Variants in ERMN observed in about 807,000 individuals in gnomAD.
The protein encoded by ERMN is ermin, ERM-like protein.
In ERMN, 17 loss-of-function variants were observed where a neutral mutation model predicts 21.4. The observed-to-expected ratio is 0.80, with a 90% confidence interval of 0.54 to 1.19. The LOEUF (loss-of-function observed/expected upper bound fraction) is 1.19. Ranked by LOEUF, ERMN falls within the 50% of genes most tolerant of loss-of-function variation. The pLI is 0.00. For synonymous variants in ERMN, 115 were observed against 111.9 expected (o/e 1.03, Z -0.17); for missense variants, 348 against 331.6 (o/e 1.05, Z -0.38).
In ERMN at chr2:157,319,329, T is replaced by A. The variant is rs1382686345; in HGVS notation, c.*1942A>T. On this transcript the variant is annotated 3_prime_UTR_variant, in exon 3 of 3. Coordinates refer to ENST00000410096, the MANE Select transcript of ERMN (RefSeq NM_020711.3). Reference sequence around the variant, plus strand: ...AGCTAAGAGGACCAGCGTTAGCATATATTAGAGTCCCTTAAGAGGTACTTG... The same window carrying A: ...AGCTAAGAGGACCAGCGTTAGCATAAATTAGAGTCCCTTAAGAGGTACTTG... 1 of 152,134 alleles carries A rather than the reference T, an allele frequency of 6.6e-6. No homozygotes were observed. Among genetic ancestry groups the A allele is most frequent in the Non-Finnish European group, 1.5e-5 (1 of 68,004 alleles). 9.4% of individuals were successfully genotyped at this position (152,134 alleles called of 1,614,324 possible). A position where few individuals can be genotyped will look rare whatever the true frequency, so the allele number is the denominator to read the frequency against.
upstream of ERMN, chr2:157,327,708 GT>G (rs2105193238): frequency 1.9e-6 from 1 of 520,198 alleles, no homozygotes; most frequent in Admixed American, 3.4e-5. Flanking sequence ...AGTAGAGACA[GT>G]TGTGGCCAGG....
chr2:157,326,084 G>A (rs556538167), upstream of ERMN: 31 of 313,114 alleles, frequency 9.9e-5, no homozygotes, highest in South Asian at 2.7e-3. Flanking sequence ...TGTAACAGGA[G>A]CCACAATTGT....
At chr2:157,327,601 T>G, upstream of ERMN, 1 of 683,834 alleles carries the variant, frequency 1.5e-6, no homozygotes, top group Non-Finnish European at 2.7e-6. Context: ...CTGATGAGAG[T>G]TTGCAGCACA....
chr2:157,325,160 G>T (rs954828122), intron 1 of ERMN: 3 of 621,068 alleles, frequency 4.8e-6, no homozygotes, highest in Non-Finnish European at 9.2e-6. Flanking sequence ...TTATTATTCC[G>T]CCTTCTTCTA....
chr2:157,320,245 C>A lies in ERMN; in HGVS notation c.*1026G>T, dbSNP rs1683850000. 1 of 152,554 alleles carries A rather than the reference C, an allele frequency of 6.6e-6. No homozygotes were observed. The highest frequency in any genetic ancestry group is 2.4e-5 in the African/African-American group (1 of 41,440). 9.5% of individuals were successfully genotyped at this position (152,554 alleles called of 1,614,324 possible). On this transcript the variant is annotated 3_prime_UTR_variant, in exon 3 of 3. Coordinates refer to ENST00000410096, the MANE Select transcript of ERMN (RefSeq NM_020711.3). ...GGTCCAGTAAATTATATATTCCCAACAACTATCAGAGCTCTCCCACTAAAA... is the reference window on the plus strand; with the variant it reads ...GGTCCAGTAAATTATATATTCCCAAAAACTATCAGAGCTCTCCCACTAAAA...
chr2:157,326,670 A>G (rs1389082352), upstream of ERMN, among the ~76,000 whole-genome samples: 3 of 152,076 alleles, frequency 2.0e-5, no homozygotes, highest in East Asian at 3.9e-4. Context: ...TGGATTTCTC[A>G]TAGTACAAAA....
chr2:157,322,146 T>TA (rs199583011), intron 2 of ERMN, among the ~76,000 whole-genome samples: 23 of 148,198 alleles, frequency 1.6e-4, no homozygotes, highest in East Asian at 7.8e-4. Context: ...GAGACACACT[T>TA]AAAAAAAAAA....
At chr2:157,325,078 G>T (rs976980227) in intron 1 of ERMN, 2 of 460,398 alleles carry the variant, frequency 4.3e-6, no homozygotes, top group South Asian at 2.0e-5. Flanking sequence ...AAATAATATG[G>T]GGCTGTCCAT....
upstream of ERMN, chr2:157,326,056 G>T (rs1684061710): frequency 1.9e-6 from 1 of 514,512 alleles, no homozygotes; most frequent in Non-Finnish European, 2.6e-6. Context: ...TTTCATAATG[G>T]CCCATTGTAA....
chr2:157,321,068 A>T lies in ERMN; in HGVS notation c.*203T>A. The T allele has an allele frequency of 1.4e-6, 1 of 733,430 alleles. No individual in the cohort carries two copies. Among genetic ancestry groups the T allele is most frequent in the Non-Finnish European group, 2.1e-6 (1 of 477,410 alleles). 45.4% of individuals were successfully genotyped at this position (733,430 alleles called of 1,614,324 possible). On this transcript the variant is annotated 3_prime_UTR_variant, in exon 3 of 3. Coordinates refer to ENST00000410096, the MANE Select transcript of ERMN (RefSeq NM_020711.3). ...AGTTTTAAAAGATAAATGCCCAAGA[A>T]TTTATTTAAAGCTTTTTGATTTGAG...
chr2:157,327,586 G>T, upstream of ERMN: 1 of 705,764 alleles, frequency 1.4e-6, no homozygotes, highest in Admixed American at 2.0e-5. Flanking sequence ...GAGCCAGCAA[G>T]CCTACTGATG....
chr2:157,326,786 C>A (rs1684078161), upstream of ERMN, among the ~76,000 whole-genome samples: 1 of 152,184 alleles, frequency 6.6e-6, no homozygotes, highest in South Asian at 2.1e-4. Flanking sequence ...TGTTTTTAAG[C>A]TTAAATATCA....
At chr2:157,327,536 A>T (rs1471478045), upstream of ERMN, 1 of 769,438 alleles carries the variant, frequency 1.3e-6, no homozygotes, top group Non-Finnish European at 2.4e-6. Context: ...TAGAAAAATG[A>T]AGTGCAGAGA....
intron 2 of ERMN, among the ~76,000 whole-genome samples, chr2:157,322,429 A>G (rs541311630): frequency 2.6e-5 from 4 of 152,314 alleles, no homozygotes; most frequent in East Asian, 3.9e-4. Context: ...ATTAATTATA[A>G]GGAAGCTGAG....
At chr2:157,327,322 A>G, upstream of ERMN, 1 of 618,264 alleles carries the variant, frequency 1.6e-6, no homozygotes, top group Admixed American at 2.5e-5. Context: ...TAGATCCTAG[A>G]TCTCCCTCCC....
chr2:157,319,904 TCTAAGAGGA>T lies in ERMN; in HGVS notation c.*1358_*1366del, dbSNP rs1683836170. ...TATGTTACACATAAATAAGCAGTCA[TCTAAGAGGA>T]CTAACATGGAGTTTTTCACAAAATG... On this transcript the variant is annotated 3_prime_UTR_variant, in exon 3 of 3. Coordinates refer to ENST00000410096, the MANE Select transcript of ERMN (RefSeq NM_020711.3). 6.6e-6 allele frequency: 1 copy of T among 152,140 alleles called. No homozygotes were observed. The highest frequency in any genetic ancestry group is 2.1e-4 in the South Asian group (1 of 4,830). The allele number at this position is 152,140 out of a possible 1,614,324, so 9.4% of individuals were successfully genotyped here.
chr2:157,325,817 CAG>C lies in ERMN; in HGVS notation c.-177_-176del. On this transcript the variant is annotated 5_prime_UTR_variant, in exon 1 of 3. Coordinates refer to ENST00000410096, the MANE Select transcript of ERMN (RefSeq NM_020711.3). Reference sequence around the variant, plus strand: ...GGTTCTTTTCCTAAAAGTATCCAGACAGAGATTAGAGCAAAAGCAAGAGGATT... The same window carrying C: ...GGTTCTTTTCCTAAAAGTATCCAGACAGATTAGAGCAAAAGCAAGAGGATT... 6.9e-7 allele frequency: 1 copy of C among 1,459,420 alleles called. No individual in the cohort carries two copies. The highest frequency in any genetic ancestry group is 9.0e-7 in the Non-Finnish European group (1 of 1,109,854). 90.4% of individuals were successfully genotyped at this position (1,459,420 alleles called of 1,614,324 possible). A position where few individuals can be genotyped will look rare whatever the true frequency, so the allele number is the denominator to read the frequency against.
At chr2:157,326,252 A>G (rs1684065539), upstream of ERMN, among the ~76,000 whole-genome samples, 1 of 152,250 alleles carries the variant, frequency 6.6e-6, no homozygotes, top group Non-Finnish European at 1.5e-5. Context: ...AAAACAGCTT[A>G]TGGAAAAAAC....
At position 157,321,519 on chromosome 2, in the gene ERMN, C is replaced by T. The variant is rs763863805; in HGVS notation, c.607G>A (p.Val203Met). 6.2e-6 allele frequency: 10 copies of T among 1,613,960 alleles called. No homozygotes were observed. The highest frequency in any genetic ancestry group is 1.6e-4 in the Middle Eastern group (1 of 6,062). ...TCATGTTTTTTCTTAAATTCTATCA[C>T]TCGAACTTCATCTTCATCATTATTG... ...NCNNDEDEVR[V>M]IEFKKKHEEV... Residue 203 changes from valine to methionine, a missense_variant, in exon 3 of 3, where the codon GTG (valine) becomes ATG (methionine). Transcript: ENST00000410096.
Sources: gnomAD v4.1 joint callset for allele counts (sites outside exome capture counted in the v4.1 genomes callset) on GRCh38, gnomAD v4.1.1 for gene constraint, MANE v1.5 for transcripts, NCBI Gene and HGNC (gene_info 2026-07-23, HGNC 2026-07-21) for gene names.